The following DRC8 variants were observed in gnomAD, a reference collection of about 807,000 sequenced individuals.
DRC8 encodes the protein dynein regulatory complex protein 8.
At chr1:245,038,028 T>C in the DRC8 span, among the ~76,000 whole-genome samples, 167 of 152,262 alleles carry the variant, frequency 1.1e-3, 1 homozygote, top group Non-Finnish European at 1.7e-3. Context: ...GGACTTGAAA[T>C]TATAAAGATG....
At chr1:244,974,163 T>C in the DRC8 span, among the ~76,000 whole-genome samples, 4 of 152,210 alleles carry the variant, frequency 2.6e-5, no homozygotes, top group Non-Finnish European at 5.9e-5. Flanking sequence ...TTTCTTTTCC[T>C]TCTGTTTTGT....
chr1:245,049,110 G>A, the DRC8 span, among the ~76,000 whole-genome samples: 2 of 151,524 alleles, frequency 1.3e-5, no homozygotes, highest in African/African-American at 4.9e-5. The surrounding 1 kb of genome is among the most constrained non-coding windows in gnomAD (Gnocchi z 4.5). Flanking sequence ...TCAGCCTCTC[G>A]AGTAGCTGGA....
At chr1:245,055,163 C>A in the DRC8 span, among the ~76,000 whole-genome samples, 1 of 152,154 alleles carries the variant, frequency 6.6e-6, no homozygotes, top group Non-Finnish European at 1.5e-5. Context: ...CTGCTCACTG[C>A]GGCATAGCCC....
the DRC8 span, among the ~76,000 whole-genome samples, chr1:245,060,002 C>G: frequency 6.6e-6 from 1 of 152,080 alleles, no homozygotes. Flanking sequence ...CCAGAAAGGT[C>G]TCTGATCTCA....
chr1:245,016,943 G>A, the DRC8 span, among the ~76,000 whole-genome samples: 2 of 152,286 alleles, frequency 1.3e-5, no homozygotes, highest in East Asian at 3.9e-4. Flanking sequence ...TTCTGTCACC[G>A]TGATTGGAGT....
chr1:245,053,393 C>T, the DRC8 span, among the ~76,000 whole-genome samples: 1 of 152,194 alleles, frequency 6.6e-6, no homozygotes, highest in African/African-American at 2.4e-5. Context: ...ACAGGGACAG[C>T]ATCCGTGTCG....
At chr1:245,094,861 A>G in the DRC8 span, among the ~76,000 whole-genome samples, 10 of 152,236 alleles carry the variant, frequency 6.6e-5, no homozygotes, top group African/African-American at 2.4e-4. Context: ...CACCATTACT[A>G]ATGCTTTGCT....
chr1:245,122,077 T>C, the DRC8 span: 5 of 273,410 alleles, frequency 1.8e-5, no homozygotes, highest in Admixed American at 2.0e-4. Context: ...TTCTGTATTT[T>C]TAGTAGAGAC....
At chr1:244,976,409 G>A in the DRC8 span, among the ~76,000 whole-genome samples, 1 of 152,034 alleles carries the variant, frequency 6.6e-6, no homozygotes, top group African/African-American at 2.4e-5. Flanking sequence ...TAAATATCCG[G>A]TTAAGACTAA....
the DRC8 span, among the ~76,000 whole-genome samples, chr1:245,084,084 T>TG: frequency 4.2e-5 from 1 of 23,722 alleles, no homozygotes; most frequent in Non-Finnish European, 1.1e-4. Flanking sequence ...GCGCCCCGGC[T>TG]TTTTTTTTTT....
chr1:245,112,161 G>A, the DRC8 span, among the ~76,000 whole-genome samples: 4 of 152,230 alleles, frequency 2.6e-5, no homozygotes, highest in South Asian at 2.1e-4. Flanking sequence ...TGCAACCTCC[G>A]CCTCCCGGGT....
the DRC8 span, among the ~76,000 whole-genome samples, chr1:245,075,895 A>G: frequency 6.6e-6 from 1 of 151,766 alleles, no homozygotes; most frequent in Non-Finnish European, 1.5e-5. Flanking sequence ...GATATTTGTT[A>G]CTCTCGCCTT....
At chr1:245,058,060 C>T in the DRC8 span, among the ~76,000 whole-genome samples, 1 of 151,930 alleles carries the variant, frequency 6.6e-6, no homozygotes, top group African/African-American at 2.4e-5. Flanking sequence ...TCCTTCAAAA[C>T]TCTTGCCTGC....
the DRC8 span, among the ~76,000 whole-genome samples, chr1:245,114,079 A>T: frequency 6.6e-6 from 1 of 152,204 alleles, no homozygotes; most frequent in Admixed American, 6.5e-5. Flanking sequence ...CAAAAGCAGG[A>T]TGTTGTTTCT....
chr1:245,009,018 T>C, the DRC8 span, among the ~76,000 whole-genome samples: 1 of 145,724 alleles, frequency 6.9e-6, no homozygotes, highest in African/African-American at 2.5e-5. Context: ...TTCCCAAGGA[T>C]TATGCTTTTC....
chr1:245,124,172 C>G, the DRC8 span: 20,043 of 187,818 alleles, frequency 0.11, 1,837 homozygotes, highest in Admixed American at 0.26. Context: ...TGTGGCCACC[C>G]ATGTGACATG....
the DRC8 span, among the ~76,000 whole-genome samples, chr1:245,090,339 C>A: frequency 6.6e-6 from 1 of 152,204 alleles, no homozygotes; most frequent in African/African-American, 2.4e-5. Flanking sequence ...GTGATAATTC[C>A]TGAGTGATAA....
At chr1:245,090,376 A>G in the DRC8 span, among the ~76,000 whole-genome samples, 1 of 152,166 alleles carries the variant, frequency 6.6e-6, no homozygotes, top group African/African-American at 2.4e-5. Flanking sequence ...TTTCGCTTCG[A>G]TGTGTTCTTA....
At chr1:245,112,780 GTC>G in the DRC8 span, among the ~76,000 whole-genome samples, 2 of 148,904 alleles carry the variant, frequency 1.3e-5, no homozygotes, top group Non-Finnish European at 3.0e-5. Context: ...TTGAGATGGA[GTC>G]TCTCTCTGTC....
Sources: allele counts gnomAD v4.1 joint callset (sites outside exome capture counted in the v4.1 genomes callset), GRCh38; gene constraint gnomAD v4.1.1; non-coding constraint Gnocchi (gnomAD v3.1); transcripts MANE v1.5; gene names NCBI Gene and HGNC (gene_info 2026-07-23, HGNC 2026-07-21).